Variants in DCC observed in about 807,000 individuals in gnomAD.
The protein encoded by DCC is netrin receptor DCC.
Under a neutral mutation model 172.5 loss-of-function variants are expected in DCC, and 58 were observed. That is an observed-to-expected ratio of 0.34 (90% confidence interval 0.27 to 0.42). The LOEUF is 0.42. DCC is among the 10% of genes least tolerant of loss of function. The probability of loss-of-function intolerance (pLI) is 1.00; values close to 1 mark genes in which losing one functional copy is unlikely to be tolerated. For synonymous variants in DCC, 709 were observed against 644.5 expected, an observed-to-expected ratio of 1.10 and a Z score of -1.52; for missense variants, 1,740 against 1,791.0, an observed-to-expected ratio of 0.97 and a Z score of 0.51.
At chr18:52,850,962 G>C (rs2038966530) in intron 2 of DCC, among the ~76,000 whole-genome samples, 1 of 151,974 alleles carries the variant, frequency 6.6e-6, no homozygotes. Flanking sequence ...GTGTTTTACA[G>C]CTTCGATATT....
chr18:53,018,480 C>T (rs1473379635), intron 5 of DCC, among the ~76,000 whole-genome samples: 6 of 152,012 alleles, frequency 3.9e-5, no homozygotes, highest in Admixed American at 3.9e-4. Flanking sequence ...ATACTTATGC[C>T]CTACTAACTA....
intron 1 of DCC, among the ~76,000 whole-genome samples, chr18:52,452,077 G>A (rs1047652463): frequency 5.3e-5 from 8 of 152,268 alleles, no homozygotes; most frequent in African/African-American, 1.9e-4. Flanking sequence ...GGGAGTGAGT[G>A]GCTTTGGTTA....
intron 1 of DCC, among the ~76,000 whole-genome samples, chr18:52,342,177 T>A (rs2144220017): frequency 6.6e-6 from 1 of 152,220 alleles, no homozygotes; most frequent in South Asian, 2.1e-4. Flanking sequence ...AAAGCCTCGC[T>A]CGGCCGCACG....
At chr18:53,511,898 C>T (rs1411402227) in intron 27 of DCC, among the ~76,000 whole-genome samples, 7 of 152,208 alleles carry the variant, frequency 4.6e-5, no homozygotes, top group African/African-American at 7.2e-5. Context: ...GAGGGGCGCC[C>T]GCCATTGCCC....
intron 15 of DCC, among the ~76,000 whole-genome samples, chr18:53,340,841 T>TG (rs1038112388): frequency 6.6e-6 from 1 of 151,492 alleles, no homozygotes; most frequent in Non-Finnish European, 1.5e-5. Flanking sequence ...GTGTAGGGGG[T>TG]GGGGGGATCT....
chr18:53,146,872 G>C (rs983867635), intron 7 of DCC, among the ~76,000 whole-genome samples: 5 of 152,096 alleles, frequency 3.3e-5, no homozygotes, highest in Non-Finnish European at 5.9e-5. Context: ...TGAATTAATA[G>C]ATGTATTGAT....
chr18:52,883,816 T>C (rs2145409709), intron 2 of DCC, among the ~76,000 whole-genome samples: 1 of 152,134 alleles, frequency 6.6e-6, no homozygotes, highest in Non-Finnish European at 1.5e-5. Context: ...TTCAGATCAT[T>C]TCATATTGCT....
chr18:53,344,440 C>CTTTTTTTT (rs71175582), intron 15 of DCC, among the ~76,000 whole-genome samples: 515 of 96,974 alleles, frequency 5.3e-3, no homozygotes, highest in East Asian at 8.7e-3. Context: ...TTTCGTTTTT[C>CTTTTTTTT]TTTTTTTTTT....
chr18:53,097,960 A>T (rs2144206017), intron 7 of DCC, among the ~76,000 whole-genome samples: 1 of 152,198 alleles, frequency 6.6e-6, no homozygotes, highest in Non-Finnish European at 1.5e-5. Context: ...TGGGGGTTAG[A>T]GCTTCAACGT....
intron 2 of DCC, among the ~76,000 whole-genome samples, chr18:52,856,682 A>G (rs1457137540): frequency 6.6e-6 from 1 of 151,882 alleles, no homozygotes; most frequent in Non-Finnish European, 1.5e-5. Flanking sequence ...ATTCACTACA[A>G]CTTTTAATTA....
intron 1 of DCC, among the ~76,000 whole-genome samples, chr18:52,677,106 G>A (rs73465836): frequency 0.043 from 6,495 of 152,194 alleles, 458 homozygotes; most frequent in African/African-American, 0.15. Context: ...TTTTGTAATA[G>A]ATGTGGCATA....
At chr18:52,648,841 G>A (rs2035067564) in intron 1 of DCC, among the ~76,000 whole-genome samples, 1 of 152,146 alleles carries the variant, frequency 6.6e-6, no homozygotes, top group African/African-American at 2.4e-5. Context: ...TGGGCTCTGA[G>A]GGCCCTTTAT....
chr18:52,545,278 C>T (rs1240406720), intron 1 of DCC, among the ~76,000 whole-genome samples: 3 of 152,162 alleles, frequency 2.0e-5, no homozygotes, highest in Non-Finnish European at 1.5e-5. Flanking sequence ...CTCGAGATTG[C>T]CTTGGTGGAG....
chr18:52,498,077 TTGAC>T (rs530265898), intron 1 of DCC, among the ~76,000 whole-genome samples: 264 of 152,338 alleles, frequency 1.7e-3, no homozygotes, highest in Non-Finnish European at 3.0e-3. Context: ...CTTATGGACA[TTGAC>T]ATTTGAATTT....
chr18:53,196,149 A>C (rs961476314), intron 9 of DCC, among the ~76,000 whole-genome samples: 1 of 152,160 alleles, frequency 6.6e-6, no homozygotes, highest in Non-Finnish European at 1.5e-5. Flanking sequence ...TGTAACATTT[A>C]ATATGTAAAC....
At chr18:52,853,589 T>TTTCTCTG (rs900676030) in intron 2 of DCC, among the ~76,000 whole-genome samples, 8 of 152,316 alleles carry the variant, frequency 5.3e-5, no homozygotes, top group South Asian at 2.1e-4. Context: ...GCTGTCACGA[T>TTTCTCTG]TTCTCTGTTC....
At chr18:53,167,098 T>A (rs753718867) in intron 8 of DCC, among the ~76,000 whole-genome samples, 1 of 152,186 alleles carries the variant, frequency 6.6e-6, no homozygotes, top group South Asian at 2.1e-4. Context: ...GGAAGGTTAA[T>A]GTAACTCTTC....
intron 12 of DCC, among the ~76,000 whole-genome samples, chr18:53,217,741 C>T (rs905453030): frequency 1.4e-4 from 21 of 152,060 alleles, no homozygotes; most frequent in African/African-American, 4.8e-4. Flanking sequence ...ATATTTACCC[C>T]TGACTGTGAC....
chr18:52,828,125 T>C (rs1381170789), intron 2 of DCC, among the ~76,000 whole-genome samples: 1 of 152,228 alleles, frequency 6.6e-6, no homozygotes, highest in Non-Finnish European at 1.5e-5. Flanking sequence ...ATACATTATC[T>C]GTTTTAGTAG....
Sources: allele counts gnomAD v4.1 joint callset (sites outside exome capture counted in the v4.1 genomes callset), GRCh38; gene constraint gnomAD v4.1.1; transcripts MANE v1.5; gene names NCBI Gene and HGNC (gene_info 2026-07-23, HGNC 2026-07-21).